Variants in PCNX4 observed in about 807,000 individuals in gnomAD.
PCNX4 encodes pecanex 4, also known as pecanex-like protein 4.
A neutral mutation model predicts 107.2 loss-of-function variants in PCNX4; 103 were observed. That is an observed-to-expected ratio of 0.96 (90% CI 0.82 to 1.13). The LOEUF (loss-of-function observed/expected upper bound fraction) is 1.13. Among genes scored for constraint, PCNX4 ranks in the 50% most tolerant of loss-of-function variants. The probability of loss-of-function intolerance (pLI) is 0.00; values close to 1 mark genes in which losing one functional copy is unlikely to be tolerated. For missense variants in PCNX4, 1,528 were observed against 1,379.4 expected, an observed-to-expected ratio of 1.11 and a Z score of -1.71; for synonymous variants, 541 against 481.7, an observed-to-expected ratio of 1.12 and a Z score of -1.61.
At position 60,125,722 on chromosome 14, in the gene PCNX4, G is replaced by A. The variant is rs1896042700; in HGVS notation, c.3166G>A (p.Glu1056Lys). ...ACTGATTAAGTACCTTGAAGAATAT[G>A]AACGTGACTGGTACATTGGTTTGGT... The part of the protein sequence containing the change: ...RELIKYLEEY[E>K]RDWYIGLVSD... Residue 1056 changes from glutamate to lysine, a missense_variant, in exon 10 of 11, where the codon GAA (glutamate) becomes AAA (lysine). Transcript: ENST00000406854. The A allele has an allele frequency of 6.2e-7, 1 of 1,610,564 alleles. No individual in the cohort carries two copies. Among genetic ancestry groups the A allele is most frequent in the Non-Finnish European group, 8.5e-7 (1 of 1,178,120 alleles).
intron 1 of PCNX4, 45 bp from the exon 2 acceptor site, chr14:60,107,541 A>G: frequency 9.3e-7 from 1 of 1,072,656 alleles, no homozygotes; most frequent in Non-Finnish European, 1.3e-6. Flanking sequence ...ATAGGTTTTA[A>G]ATGACATTTT....
chr14:60,104,055 T>G (rs898039314), intron 1 of PCNX4, among the ~76,000 whole-genome samples: 7 of 152,200 alleles, frequency 4.6e-5, no homozygotes, highest in African/African-American at 1.7e-4. Context: ...GCGCAGTGGC[T>G]CACGCCTGTA....
chr14:60,139,227 T>G lies in PCNX4; in HGVS notation c.*5006T>G, dbSNP rs1023474926. 1 of 152,016 alleles carries G rather than the reference T, an allele frequency of 6.6e-6. No individual in the cohort carries two copies. Among genetic ancestry groups the G allele is most frequent in the African/African-American group, 2.4e-5 (1 of 41,430 alleles). 9.4% of individuals were successfully genotyped at this position (152,016 alleles called of 1,614,324 possible). On this transcript the variant is annotated 3_prime_UTR_variant, in exon 11 of 11. Transcript: ENST00000406854. The stretch of plus-strand genomic sequence containing the variant: ...AAAGTACCTTTATGCAAGAGATGTC[T>G]TAAGTATAGGAATACAAAGGTTTGA...
intron 1 of PCNX4, among the ~76,000 whole-genome samples, chr14:60,099,916 T>A (rs1895497080): frequency 6.6e-6 from 1 of 151,036 alleles, no homozygotes; most frequent in African/African-American, 2.4e-5. Context: ...AAAAAAAAAA[T>A]TAGTCAGGGG....
At chr14:60,115,916 A>G (rs770085661) in intron 5 of PCNX4, 25 bp from the exon 6 acceptor site, 4 of 1,597,922 alleles carry the variant, frequency 2.5e-6, no homozygotes, top group African/African-American at 1.3e-5. Flanking sequence ...CTACCTGATA[A>G]AAATGGATAA....
At chr14:60,101,438 T>TA (rs1566929662) in intron 1 of PCNX4, among the ~76,000 whole-genome samples, 1 of 152,134 alleles carries the variant, frequency 6.6e-6, no homozygotes, top group Non-Finnish European at 1.5e-5. Flanking sequence ...TCTCAGAAGT[T>TA]AAAAAAATGA....
intron 3 of PCNX4, 47 bp from the exon 4 acceptor site, chr14:60,114,927 A>G: frequency 1.3e-6 from 2 of 1,552,218 alleles, no homozygotes; most frequent in Non-Finnish European, 1.7e-6. Flanking sequence ...CTTAAAGAAC[A>G]TTTTTCTTTT....
rs1236510126 is a variant in PCNX4, at chr14:60,142,869, CAGG to C, written c.*8653_*8655del. The C allele has an allele frequency of 6.6e-6, 1 of 152,262 alleles. No homozygotes were observed. Among genetic ancestry groups the C allele is most frequent in the Non-Finnish European group, 1.5e-5 (1 of 68,226 alleles). 9.4% of individuals were successfully genotyped at this position (152,262 alleles called of 1,614,324 possible). ...GTCCCAGCTACTTGGGAGGTTGAGG[CAGG>C]AGGATCGCTTGAACCCAGGAGGCAG... is the stretch of plus-strand genomic sequence containing the variant. On this transcript the variant is annotated 3_prime_UTR_variant, in exon 11 of 11. Transcript: ENST00000406854. The surrounding 1 kb of genome is among the most constrained non-coding windows in gnomAD (Gnocchi z 4.7).
chr14:60,121,780 C>CT (rs1254586349), intron 8 of PCNX4, among the ~76,000 whole-genome samples: 1 of 152,102 alleles, frequency 6.6e-6, no homozygotes, highest in Admixed American at 6.6e-5. Flanking sequence ...GTTTTTGACC[C>CT]TACTACTCCA....
At chr14:60,096,607 A>G (rs574535519) in intron 1 of PCNX4, among the ~76,000 whole-genome samples, 4 of 152,346 alleles carry the variant, frequency 2.6e-5, no homozygotes, top group East Asian at 3.9e-4. Context: ...CACATAGCCA[A>G]TATGTCCCAT....
chr14:60,098,953 A>AG (rs1401226700), intron 1 of PCNX4, among the ~76,000 whole-genome samples: 2 of 152,038 alleles, frequency 1.3e-5, no homozygotes, highest in Admixed American at 1.3e-4. Flanking sequence ...AGAAAAAAAA[A>AG]AAAAGAAAGA....
chr14:60,129,545 C>G (rs1239786332), intron 10 of PCNX4, among the ~76,000 whole-genome samples: 1 of 152,098 alleles, frequency 6.6e-6, no homozygotes, highest in African/African-American at 2.4e-5. Context: ...GGAGCAAGAC[C>G]CTGTCTCTGA....
At position 60,138,010 on chromosome 14, in the gene PCNX4, G is replaced by A. The variant is rs1231650490; in HGVS notation, c.*3789G>A. The A allele has an allele frequency of 6.6e-6, 1 of 151,488 alleles. No individual in the cohort carries two copies. The highest frequency in any genetic ancestry group is 1.9e-4 in the East Asian group (1 of 5,156). 9.4% of individuals were successfully genotyped at this position (151,488 alleles called of 1,614,324 possible). A position where few individuals can be genotyped will look rare whatever the true frequency, so the allele number is the denominator to read the frequency against. ...GGAGGCTGAGGCAGGAGAATCACTT[G>A]AACCCGGGAGGCAGAGGTTTCAGTG... On this transcript the variant is annotated 3_prime_UTR_variant, in exon 11 of 11. Coordinates refer to ENST00000406854, the MANE Select transcript of PCNX4 (RefSeq NM_001330177.2).
chr14:60,105,025 A>T (rs935986853), intron 1 of PCNX4, among the ~76,000 whole-genome samples: 8 of 152,076 alleles, frequency 5.3e-5, no homozygotes, highest in African/African-American at 1.9e-4. Context: ...TTTTCCCCAG[A>T]TTTTGGAATG....
chr14:60,115,562 A>T (rs1016114337), intron 4 of PCNX4, 101 bp downstream of exon 4: 2 of 1,418,556 alleles, frequency 1.4e-6, no homozygotes, highest in African/African-American at 2.9e-5. Flanking sequence ...TATACCATAT[A>T]CAAGTGTTTG....
In PCNX4 at chr14:60,114,726, A is replaced by G; in HGVS notation, c.716A>G (p.Glu239Gly). ...HRFVVNMPAL[E>G]HMNQILHILF... ...TTTGTGGTAAATATGCCAGCTCTAG[A>G]ACACATGAATCAGATTTTACACATC... The change falls in exon 3 of 11, where the codon GAA becomes GGA. Residue 239 changes from glutamate to glycine, a missense_variant. Coordinates refer to ENST00000406854, the MANE Select transcript of PCNX4 (RefSeq NM_001330177.2). 2 of 1,613,448 alleles carry G rather than the reference A, an allele frequency of 1.2e-6. No homozygotes were observed. Among genetic ancestry groups the G allele is most frequent in the Non-Finnish European group, 1.7e-6 (2 of 1,179,660 alleles).
rs561036306 is a variant in PCNX4 at position 60,105,018 on chromosome 14, T to C, written c.-53-2568T>C. Reference sequence around the variant, plus strand: ...AAGTGTTTTGGATTTGGGTTTTTTTTCCCCAGATTTTGGAATGTTTGCATT... The same window carrying C: ...AAGTGTTTTGGATTTGGGTTTTTTTCCCCCAGATTTTGGAATGTTTGCATT... On this transcript the variant is annotated intron_variant, in intron 1 of 10. Coordinates refer to ENST00000406854, the MANE Select transcript of PCNX4 (RefSeq NM_001330177.2). Among the ~76,000 whole-genome samples the C allele has an allele frequency of 2.8e-3, 428 of 152,268 alleles. 2 individuals are homozygous for C. The highest frequency in any genetic ancestry group is 0.016 in the South Asian group (79 of 4,820).
At position 60,125,677 on chromosome 14, in the gene PCNX4, C is replaced by T; in HGVS notation, c.3121C>T (p.Pro1041Ser). ...AATGATTGATAAAGCAAGTTTAGGT[C>T]CAATAGAAGACTTTAGAGAACTGAT... ...KLMIDKASLG[P>S]IEDFRELIKY... Residue 1041 changes from proline (P) to serine (S), a missense_variant, in exon 10 of 11, where the codon CCA becomes TCA. Coordinates refer to ENST00000406854, the MANE Select transcript of PCNX4 (RefSeq NM_001330177.2). 1.3e-6 allele frequency: 2 copies of T among 1,576,882 alleles called. No individual in the cohort carries two copies. Among genetic ancestry groups the T allele is most frequent in the Non-Finnish European group, 8.6e-7 (1 of 1,162,616 alleles).
chr14:60,112,966 G>A (rs1268556913), intron 2 of PCNX4, among the ~76,000 whole-genome samples: 1 of 152,176 alleles, frequency 6.6e-6, no homozygotes, highest in East Asian at 1.9e-4. Context: ...GGCGGATAAC[G>A]AGGTCAAGAC....
Sources: gnomAD v4.1 joint callset for allele counts (sites outside exome capture counted in the v4.1 genomes callset) on GRCh38, gnomAD v4.1.1 for gene constraint, Gnocchi (gnomAD v3.1) non-coding constraint, MANE v1.5 for transcripts, NCBI Gene and HGNC (gene_info 2026-07-23, HGNC 2026-07-21) for gene names.